The following TESMIN variants were observed in gnomAD, a reference collection of about 807,000 sequenced individuals.
The protein encoded by TESMIN is CXC domain containing 2.
Under a neutral mutation model 47.4 loss-of-function variants are expected in TESMIN, and 34 were observed. The observed-to-expected ratio is 0.72, with a 90% CI of 0.55 to 0.96. The LOEUF (loss-of-function observed/expected upper bound fraction) is 0.96, where lower values mean the gene tolerates loss of function less well. Among genes scored for constraint, TESMIN ranks in the 40% least tolerant of loss-of-function variants. The pLI is 0.00. For synonymous variants in TESMIN, 278 were observed against 258.9 expected (o/e 1.07, Z -0.71); for missense variants, 610 against 637.2 (o/e 0.96, Z 0.46).
intron 6 of TESMIN, among the ~76,000 whole-genome samples, chr11:68,716,165 C>A (rs1200478903): frequency 6.6e-6 from 1 of 152,234 alleles, no homozygotes; most frequent in Non-Finnish European, 1.5e-5. Flanking sequence ...CCATTTGTTT[C>A]ATAATATAGG....
At chr11:68,714,925 T>C (rs1163487329) in intron 7 of TESMIN, among the ~76,000 whole-genome samples, 1 of 152,226 alleles carries the variant, frequency 6.6e-6, no homozygotes, top group Non-Finnish European at 1.5e-5. Context: ...GTTTTAACTG[T>C]AGATAGTATT....
chr11:68,750,383 A>T lies in TESMIN; in HGVS notation c.278T>A (p.Leu93His). ...LAGGDSDGGELLGEYPGIPEL... is the reference protein window; with the variant it reads ...LAGGDSDGGEHLGEYPGIPEL... ...TGGGATCCCGGGGTACTCCCCGAGGAGCTCCCCGCCGTCGCTGTCGCCCCC... is the reference window on the plus strand; with the variant it reads ...TGGGATCCCGGGGTACTCCCCGAGGTGCTCCCCGCCGTCGCTGTCGCCCCC... Residue 93 changes from leucine (L) to histidine (H), a missense_variant, in exon 2 of 10, where the codon CTC becomes CAC. Leu to His is a moderately conservative substitution (Grantham distance 99). Coordinates refer to ENST00000255087, the MANE Select transcript of TESMIN (RefSeq NM_004923.3). 1 of 1,511,836 alleles carries T rather than the reference A, an allele frequency of 6.6e-7. No homozygotes were observed. Among genetic ancestry groups the T allele is most frequent in the Non-Finnish European group, 8.9e-7 (1 of 1,126,240 alleles). 93.7% of individuals were successfully genotyped at this position (1,511,836 alleles called of 1,614,324 possible). A position where few individuals can be genotyped will look rare whatever the true frequency, so the allele number is the denominator to read the frequency against.
At chr11:68,732,062 G>A (rs1001062698) in intron 6 of TESMIN, among the ~76,000 whole-genome samples, 14 of 152,222 alleles carry the variant, frequency 9.2e-5, no homozygotes, top group Non-Finnish European at 1.5e-4. Flanking sequence ...GTTGAGCACA[G>A]AATTCGAGGT....
intron 6 of TESMIN, among the ~76,000 whole-genome samples, chr11:68,733,501 T>C (rs1946352670): frequency 6.6e-6 from 1 of 152,196 alleles, no homozygotes. Flanking sequence ...TCTCGCTGTT[T>C]TGGTTGACAA....
intron 8 of TESMIN, among the ~76,000 whole-genome samples, chr11:68,712,080 C>A (rs911188546): frequency 6.6e-6 from 1 of 152,204 alleles, no homozygotes; most frequent in African/African-American, 2.4e-5. Flanking sequence ...AAGCAGGAGG[C>A]TTTATAGAGT....
intron 1 of TESMIN, among the ~76,000 whole-genome samples, chr11:68,751,009 G>T (rs1946596751): frequency 1.8e-5 from 2 of 108,826 alleles, no homozygotes; most frequent in Non-Finnish European, 2.0e-5. Flanking sequence ...GGCGACCAGG[G>T]GAGGGGCGGC....
At chr11:68,745,220 T>A (rs1946504514) in intron 3 of TESMIN, 109 bp from the exon 4 acceptor site, 1 of 1,069,458 alleles carries the variant, frequency 9.4e-7, no homozygotes, top group South Asian at 1.6e-5. Context: ...GAAGTTACAT[T>A]TTAATGGAAG....
intron 7 of TESMIN, among the ~76,000 whole-genome samples, chr11:68,713,868 A>C (rs943741195): frequency 6.6e-6 from 1 of 151,992 alleles, no homozygotes; most frequent in Admixed American, 6.5e-5. Flanking sequence ...AATCCTCAGC[A>C]ACTAACGTAT....
At chr11:68,723,356 C>T (rs927156072) in intron 6 of TESMIN, among the ~76,000 whole-genome samples, 6 of 149,020 alleles carry the variant, frequency 4.0e-5, no homozygotes, top group African/African-American at 1.2e-4. Flanking sequence ...ACAATAAAAA[C>T]GACAAGCTAT....
Position 68,742,925 on chromosome 11 carries a change from G to A in TESMIN, c.752-531C>T, listed in dbSNP as rs193054504. Among the ~76,000 whole-genome samples the A allele has an allele frequency of 2.7e-3, 405 of 151,486 alleles. 3 individuals carry two copies. Among genetic ancestry groups the A allele is most frequent in the African/African-American group, 9.2e-3 (381 of 41,248 alleles). The stretch of plus-strand genomic sequence containing the variant: ...AGGATCTTGCTCTGTTGCCCAGGCT[G>A]GAGTGCAGTGGCACTACCACGGTTC... On this transcript the variant is annotated intron_variant, in intron 4 of 9. Transcript: ENST00000255087.
At chr11:68,741,912 T>C (rs1946461930) in intron 5 of TESMIN, among the ~76,000 whole-genome samples, 1 of 152,244 alleles carries the variant, frequency 6.6e-6, no homozygotes, top group African/African-American at 2.4e-5. Context: ...GTCCTCTACT[T>C]TTATGTAATA....
chr11:68,742,298 A>T lies in TESMIN; in HGVS notation c.828+20T>A. 1.4e-6 allele frequency: 2 copies of T among 1,472,116 alleles called. No homozygotes were observed. Among genetic ancestry groups the T allele is most frequent in the Non-Finnish European group, 1.9e-6 (2 of 1,075,038 alleles). 91.2% of individuals were successfully genotyped at this position (1,472,116 alleles called of 1,614,324 possible). ...ACAATAATGCAAAATTGTATTTTTT[A>T]AATTAAAACAATGACTCACTTGTTG... On this transcript the variant is annotated intron_variant, in intron 5 of 9. Transcript: ENST00000255087.
At chr11:68,715,786 A>G in intron 7 of TESMIN, 51 bp downstream of exon 7, 1 of 1,327,786 alleles carries the variant, frequency 7.5e-7, no homozygotes, top group Non-Finnish European at 1.1e-6. Flanking sequence ...TGAACATCTC[A>G]AACAGTTTGA....
At chr11:68,736,283 A>G in intron 6 of TESMIN, 1 of 985,430 alleles carries the variant, frequency 1.0e-6, no homozygotes, top group Non-Finnish European at 1.2e-6. Flanking sequence ...AAGAGTTTTT[A>G]TTAATATGAT....
chr11:68,745,208 C>T lies in TESMIN; in HGVS notation c.631-97G>A, dbSNP rs565667752. On this transcript the variant is annotated intron_variant, in intron 3 of 9. Coordinates refer to ENST00000255087, the MANE Select transcript of TESMIN (RefSeq NM_004923.3). ...TAAATCTGAGAAAATAGCTTTAATC[C>T]AGAAGTTACATTTTAATGGAAGATA... 1.6e-5 allele frequency: 19 copies of T among 1,152,580 alleles called. No individual in the cohort carries two copies. The Admixed American group carries it at 5.6e-4, about 34-fold the overall frequency. The allele number at this position is 1,152,580 out of a possible 1,614,324, so 71.4% of individuals were successfully genotyped here.
intron 2 of TESMIN, 89 bp from the exon 3 acceptor site, chr11:68,747,455 T>A (rs1946536565): frequency 8.5e-7 from 1 of 1,170,908 alleles, no homozygotes; most frequent in Admixed American, 1.9e-5. Context: ...ATCTCAGTGA[T>A]AAGTAGAAGT....
At chr11:68,729,653 T>C (rs1946305200) in intron 6 of TESMIN, among the ~76,000 whole-genome samples, 1 of 152,094 alleles carries the variant, frequency 6.6e-6, no homozygotes, top group African/African-American at 2.4e-5. Context: ...CCTGAAGATG[T>C]GACTGAATTG....
At position 68,708,154 on chromosome 11, in the gene TESMIN, ATCT is replaced by A; in HGVS notation, c.*151_*153del. The stretch of plus-strand genomic sequence containing the variant: ...CAGAAAAGGGGGCATGGGTTGCCAC[ATCT>A]TCAGAGAGCTCTGAGTAAACTCCCT... On this transcript the variant is annotated 3_prime_UTR_variant, in exon 10 of 10. Transcript: ENST00000255087. The A allele has an allele frequency of 2.9e-6, 2 of 698,816 alleles. No individual in the cohort carries two copies. Among genetic ancestry groups the A allele is most frequent in the Non-Finnish European group, 4.7e-6 (2 of 421,708 alleles). The allele number at this position is 698,816 out of a possible 1,614,324, so 43.3% of individuals were successfully genotyped here.
At chr11:68,745,317 A>G (rs74786240) in intron 3 of TESMIN, among the ~76,000 whole-genome samples, 188 of 151,908 alleles carry the variant, frequency 1.2e-3, no homozygotes, top group Admixed American at 1.3e-3. Context: ...AAAAAAAAAA[A>G]AAAGAAAAAC....
Sources: allele counts gnomAD v4.1 joint callset (sites outside exome capture counted in the v4.1 genomes callset), GRCh38; gene constraint gnomAD v4.1.1; transcripts MANE v1.5; gene names NCBI Gene and HGNC (gene_info 2026-07-23, HGNC 2026-07-21).